Variants in GAS7 observed in about 807,000 individuals in gnomAD.
The protein encoded by GAS7 is growth arrest-specific protein 7.
GAS7 carries 28 observed loss-of-function variants against 71.1 expected under a neutral mutation model. The observed-to-expected ratio is 0.39, with a 90% CI of 0.29 to 0.54. The LOEUF (loss-of-function observed/expected upper bound fraction) is 0.54. GAS7 is among the 20% of genes least tolerant of loss of function. The pLI is 0.62. For missense variants in GAS7, 436 were observed against 627.8 expected, an observed-to-expected ratio of 0.69 and a Z score of 3.27; for synonymous variants, 258 against 245.8, an observed-to-expected ratio of 1.05 and a Z score of -0.46.
At chr17:9,929,670 G>T (rs1290354049) in intron 9 of GAS7, among the ~76,000 whole-genome samples, 1 of 151,990 alleles carries the variant, frequency 6.6e-6, no homozygotes, top group Non-Finnish European at 1.5e-5. Context: ...GTAGAGACGG[G>T]GTTTCACCAT....
chr17:10,100,999 T>C (rs779296189), intron 1 of GAS7, among the ~76,000 whole-genome samples: 9 of 152,186 alleles, frequency 5.9e-5, no homozygotes, highest in Non-Finnish European at 1.2e-4. Flanking sequence ...CCACGTGCAG[T>C]GGCTCATGCC....
chr17:9,980,390 C>T (rs1015941403), intron 3 of GAS7, among the ~76,000 whole-genome samples: 2 of 152,216 alleles, frequency 1.3e-5, no homozygotes, highest in Non-Finnish European at 2.9e-5. Flanking sequence ...CCTGTGATTA[C>T]CTTTGGTCCT....
rs558273464 is a variant in GAS7, at chr17:10,141,406, C to T, written c.183+56802G>A. Among the ~76,000 whole-genome samples, 30 of 152,106 alleles carry T rather than the reference C, an allele frequency of 2.0e-4. 1 individual carries two copies. Among genetic ancestry groups the T allele is most frequent in the African/African-American group, 6.7e-4 (28 of 41,490 alleles). On this transcript the variant is annotated intron_variant, in intron 1 of 13. Coordinates refer to ENST00000432992, the MANE Select transcript of GAS7 (RefSeq NM_201433.2). ...GAGCTTGCAGTGAGGCAAGATCGCA[C>T]CGGTGCACTCCAGCCTGGGCAACAG...
chr17:10,169,327 C>T (rs1317189235), intron 1 of GAS7, among the ~76,000 whole-genome samples: 1 of 152,032 alleles, frequency 6.6e-6, no homozygotes, highest in Non-Finnish European at 1.5e-5. Flanking sequence ...CAATGTAAAA[C>T]CTTGTAGACA....
chr17:10,166,284 A>T (rs926963394), intron 1 of GAS7, among the ~76,000 whole-genome samples: 5 of 151,976 alleles, frequency 3.3e-5, no homozygotes, highest in African/African-American at 1.2e-4. Context: ...CAGCCTCCCA[A>T]AGTGGTGAGA....
rs1215771292 is a variant in GAS7, at chr17:9,959,279, C to T, written c.472-24G>A. 1.9e-6 allele frequency: 3 copies of T among 1,613,926 alleles called. No homozygotes were observed. Among genetic ancestry groups the T allele is most frequent in the African/African-American group, 1.3e-5 (1 of 74,936 alleles). On this transcript the variant is annotated intron_variant, in intron 4 of 13. Transcript: ENST00000432992. This position sits in a 1 kb window ranked among gnomAD's most constrained non-coding sequence, Gnocchi z 5.0. ...TTCTGGGGAGAGAGGCAAGAAACATCGTCAAAGCTGTTCTCCATATTGGAC... is the reference window on the plus strand; with the variant it reads ...TTCTGGGGAGAGAGGCAAGAAACATTGTCAAAGCTGTTCTCCATATTGGAC...
chr17:9,925,709 G>GC, intron 10 of GAS7, 110 bp from the exon 11 acceptor site: 1 of 1,217,546 alleles, frequency 8.2e-7, no homozygotes, highest in Non-Finnish European at 1.2e-6. Context: ...TGTTTGTGTG[G>GC]ATGATGCCAC....
intron 1 of GAS7, chr17:10,036,756 TTC>T (rs1398467602): frequency 8.3e-7 from 1 of 1,205,554 alleles, no homozygotes; most frequent in Non-Finnish European, 1.0e-6. Context: ...CTGGAGGCCT[TTC>T]TTTTTTTCCC....
At chr17:10,169,547 A>G (rs1210291097) in intron 1 of GAS7, among the ~76,000 whole-genome samples, 3 of 152,174 alleles carry the variant, frequency 2.0e-5, no homozygotes, top group Admixed American at 2.0e-4. Flanking sequence ...GCTGCAGATA[A>G]GGTCAATGTC....
chr17:10,102,057 G>A (rs929026057), intron 1 of GAS7, among the ~76,000 whole-genome samples: 1 of 152,036 alleles, frequency 6.6e-6, no homozygotes, highest in Admixed American at 6.6e-5. Context: ...TGGGCCTATA[G>A]GGTCATTGTT....
At chr17:10,102,203 C>T (rs541755575) in intron 1 of GAS7, among the ~76,000 whole-genome samples, 8 of 107,046 alleles carry the variant, frequency 7.5e-5, no homozygotes, top group Admixed American at 2.2e-4. Flanking sequence ...AAAGAGTGCC[C>T]GTAAAAAAAA....
chr17:10,197,787 G>A (rs191468714), intron 1 of GAS7, among the ~76,000 whole-genome samples: 11 of 152,346 alleles, frequency 7.2e-5, no homozygotes, highest in African/African-American at 2.6e-4. Flanking sequence ...AGACTCCGGG[G>A]TGGAGACGCG....
intron 1 of GAS7, among the ~76,000 whole-genome samples, chr17:10,156,279 C>T (rs1597824762): frequency 1.3e-5 from 2 of 152,170 alleles, no homozygotes; most frequent in African/African-American, 4.8e-5. Flanking sequence ...GTTGTCCTAG[C>T]CCTCCATGCC....
intron 2 of GAS7, among the ~76,000 whole-genome samples, chr17:9,998,693 A>AAAGGAAAAGGGAAGGG (rs1555615485): frequency 3.3e-5 from 5 of 150,818 alleles, no homozygotes; most frequent in African/African-American, 1.2e-4. Flanking sequence ...AGGAAAAGGA[A>AAAGGAAAAGGGAAGGG]AAGGAAAAGG....
intron 1 of GAS7, among the ~76,000 whole-genome samples, chr17:10,124,634 G>A (rs2073930462): frequency 6.6e-6 from 1 of 152,184 alleles, no homozygotes; most frequent in Non-Finnish European, 1.5e-5. Flanking sequence ...AGCAGTGTGG[G>A]GCCGGGCACA....
chr17:10,132,703 G>A (rs1322056828), intron 1 of GAS7, among the ~76,000 whole-genome samples: 1 of 152,046 alleles, frequency 6.6e-6, no homozygotes, highest in Non-Finnish European at 1.5e-5. Flanking sequence ...AGGAGGCGGA[G>A]GGTGCAGTGA....
chr17:9,925,392 C>A, intron 11 of GAS7, 84 bp downstream of exon 11: 1 of 1,407,152 alleles, frequency 7.1e-7, no homozygotes, highest in Non-Finnish European at 1.0e-6. Context: ...GAGAGATGCA[C>A]CCTCGCCAGT....
At chr17:10,055,337 T>C (rs2073121748) in intron 1 of GAS7, among the ~76,000 whole-genome samples, 1 of 152,142 alleles carries the variant, frequency 6.6e-6, no homozygotes, top group African/African-American at 2.4e-5. Context: ...AGTAGGAACA[T>C]GTGCTCTGGG....
At chr17:10,072,068 C>T (rs2073345670) in intron 1 of GAS7, among the ~76,000 whole-genome samples, 1 of 152,104 alleles carries the variant, frequency 6.6e-6, no homozygotes, top group South Asian at 2.1e-4. Flanking sequence ...CATTCTCTAT[C>T]ACAGTAGTCT....
Sources: gnomAD v4.1 joint callset for allele counts (sites outside exome capture counted in the v4.1 genomes callset) on GRCh38, gnomAD v4.1.1 for gene constraint, Gnocchi (gnomAD v3.1) non-coding constraint, MANE v1.5 for transcripts, NCBI Gene and HGNC (gene_info 2026-07-23, HGNC 2026-07-21) for gene names.